STK11: variants seen among roughly 807,000 people sequenced by gnomAD.
STK11 encodes serine/threonine-protein kinase STK11.
Under a neutral mutation model 47.3 loss-of-function variants are expected in STK11, and 8 were observed. The ratio of observed to expected loss-of-function variants is 0.17; its 90% CI spans 0.10 to 0.31. The LOEUF (loss-of-function observed/expected upper bound fraction) is 0.31. STK11 is among the 10% of genes least tolerant of loss of function. The pLI, the probability that STK11 is intolerant of heterozygous loss-of-function variation, is 1.00. For missense variants in STK11, 475 were observed against 605.0 expected, an observed-to-expected ratio of 0.79 and a Z score of 2.25; for synonymous variants, 330 against 255.8, an observed-to-expected ratio of 1.29 and a Z score of -2.77.
At chr19:1,221,846 G>A in intron 6 of STK11, 103 bp from the exon 7 acceptor site, 1 of 1,383,226 alleles carries the variant, frequency 7.2e-7, no homozygotes, top group South Asian at 1.2e-5. Flanking sequence ...GGAGCGTCCA[G>A]GTATCACCCA....
rs1599926930 is a variant in STK11, at chr19:1,220,665, C to T, written c.682C>T (p.Leu228=). Residue 228 remains leucine (L), a synonymous_variant, in exon 5 of 10, where the codon CTG becomes TTG. Transcript: ENST00000326873. ...AFQPPEIANG[L]DTFSGFKVDI... ...CCAGCCGCCCGAGATTGCCAACGGC[C>T]TGGACACCTTCTCCGGCTTCAAGGT... The T allele has an allele frequency of 1.9e-6, 3 of 1,611,100 alleles. No individual in the cohort carries two copies. The highest frequency in any genetic ancestry group is 2.5e-6 in the Non-Finnish European group (3 of 1,179,242).
At position 1,218,468 on chromosome 19, in the gene STK11, G is replaced by A. The variant is rs1441012455; in HGVS notation, c.342G>A (p.Val114=). The A allele has an allele frequency of 6.2e-7, 1 of 1,613,564 alleles. No homozygotes were observed. The highest frequency in any genetic ancestry group is 1.7e-5 in the Admixed American group (1 of 60,010). The change falls in exon 2 of 10, where the codon GTG becomes GTA. Residue 114 remains valine (V), a synonymous_variant. Transcript: ENST00000326873. ...GGCACAAAAATGTCATCCAGCTGGT[G>A]GATGTGTTATACAACGAAGAGAAGC... ...RLRHKNVIQL[V]DVLYNEEKQK...
rs1555738291 is a variant in STK11 at position 1,220,523 on chromosome 19, G to C, written c.597+18G>C. 6.3e-7 allele frequency: 1 copy of C among 1,589,782 alleles called. No homozygotes were observed. The highest frequency in any genetic ancestry group is 1.3e-5 in the African/African-American group (1 of 74,474). On this transcript the variant is annotated intron_variant, in intron 4 of 9. Coordinates refer to ENST00000326873, the MANE Select transcript of STK11 (RefSeq NM_000455.5). ...TGGCCGAGGTAGGCACGTGCTAGGG[G>C]GGGCCCTGGGGCGCCCCCTCCCGGG...
At chr19:1,208,217 T>C (rs2080682275) in intron 1 of STK11, among the ~76,000 whole-genome samples, 1 of 151,834 alleles carries the variant, frequency 6.6e-6, no homozygotes, top group Non-Finnish European at 1.5e-5. Flanking sequence ...CGGTGTCTGC[T>C]CTCACCTTCC....
rs1054374747 is a variant in STK11 at position 1,228,238 on chromosome 19, A to G, written c.*662A>G. The G allele has an allele frequency of 1.6e-6, 1 of 622,294 alleles. No individual in the cohort carries two copies. Among genetic ancestry groups the G allele is most frequent in the African/African-American group, 1.9e-5 (1 of 52,308 alleles). 38.5% of individuals were successfully genotyped at this position (622,294 alleles called of 1,614,324 possible). A position where few individuals can be genotyped will look rare whatever the true frequency, so the allele number is the denominator to read the frequency against. ...GGGCAGGACCCTCACCTCTCCCCCAAGGCCACTGCGCTCTTGGGACCCCAG... is the reference window on the plus strand; with the variant it reads ...GGGCAGGACCCTCACCTCTCCCCCAGGGCCACTGCGCTCTTGGGACCCCAG... On this transcript the variant is annotated 3_prime_UTR_variant, in exon 10 of 10. Coordinates refer to ENST00000326873, the MANE Select transcript of STK11 (RefSeq NM_000455.5).
intron 8 of STK11, chr19:1,224,037 G>C: frequency 1.0e-6 from 1 of 1,004,350 alleles, no homozygotes; most frequent in South Asian, 4.7e-5. Flanking sequence ...CCCCGGGCCC[G>C]AGGGTCCCAG....
At chr19:1,226,913 C>A in intron 9 of STK11, 1 of 501,448 alleles carries the variant, frequency 2.0e-6, no homozygotes, top group Non-Finnish European at 3.5e-6. Flanking sequence ...GCGTGCCGTC[C>A]TCACAGCCAC....
chr19:1,214,123 C>T (rs2080729728), intron 1 of STK11, among the ~76,000 whole-genome samples: 1 of 152,246 alleles, frequency 6.6e-6, no homozygotes, highest in Non-Finnish European at 1.5e-5. Context: ...CCTGGAGGCT[C>T]TTCCTGTTCC....
At chr19:1,219,998 C>T (rs1010145980) in intron 3 of STK11, 18 of 244,920 alleles carry the variant, frequency 7.3e-5, no homozygotes, top group Non-Finnish European at 6.4e-5. Flanking sequence ...AGCCGCCTGC[C>T]CTGACCAGAT....
At chr19:1,226,737 C>G (rs1280580025) in intron 9 of STK11, 74 bp downstream of exon 9, 2 of 1,411,722 alleles carry the variant, frequency 1.4e-6, no homozygotes, top group African/African-American at 2.9e-5. Context: ...TGAGCATAGC[C>G]CGCGCTAGTC....
intron 1 of STK11, among the ~76,000 whole-genome samples, chr19:1,209,381 G>A (rs2080693510): frequency 6.6e-6 from 1 of 151,940 alleles, no homozygotes; most frequent in African/African-American, 2.4e-5. Context: ...TCAGGAGTTC[G>A]AGACCAGCCT....
At chr19:1,215,602 C>G (rs888574781) in intron 1 of STK11, among the ~76,000 whole-genome samples, 1 of 152,258 alleles carries the variant, frequency 6.6e-6, no homozygotes, top group Admixed American at 6.5e-5. Flanking sequence ...CCTTGGCCTT[C>G]TGAGGTTGCC....
intron 1 of STK11, among the ~76,000 whole-genome samples, chr19:1,213,526 G>A (rs867968681): frequency 3.9e-5 from 6 of 152,208 alleles, no homozygotes; most frequent in African/African-American, 1.2e-4. Flanking sequence ...CACACACCGC[G>A]TGGCCTTTTG....
chr19:1,217,704 C>T (rs1464155114), intron 1 of STK11, among the ~76,000 whole-genome samples: 1 of 152,196 alleles, frequency 6.6e-6, no homozygotes, highest in East Asian at 1.9e-4. Flanking sequence ...TGCGGCCCAC[C>T]CTCCAAGGAG....
At position 1,227,598 on chromosome 19, in the gene STK11, G is replaced by A. The variant is rs2145438487; in HGVS notation, c.*22G>A. ...GTCTTCCTTCCACCCTGCAGCCCGT[G>A]TCCAGGAGCCCCGCCAGGTGCCCGC... is the stretch of plus-strand genomic sequence containing the variant. On this transcript the variant is annotated 3_prime_UTR_variant, in exon 10 of 10. Transcript: ENST00000326873. 3 of 1,064,976 alleles carry A rather than the reference G, an allele frequency of 2.8e-6. No homozygotes were observed. Among genetic ancestry groups the A allele is most frequent in the Non-Finnish European group, 3.4e-6 (3 of 879,104 alleles). 66.0% of individuals were successfully genotyped at this position (1,064,976 alleles called of 1,614,324 possible). A position where few individuals can be genotyped will look rare whatever the true frequency, so the allele number is the denominator to read the frequency against.
At chr19:1,224,957 C>T in intron 8 of STK11, 11 of 985,568 alleles carry the variant, frequency 1.1e-5, no homozygotes, top group Non-Finnish European at 1.3e-5. Context: ...CAGCCCGGCG[C>T]CCTCGGGTCA....
intron 3 of STK11, among the ~76,000 whole-genome samples, chr19:1,219,691 G>A (rs919401373): frequency 2.0e-5 from 3 of 151,902 alleles, no homozygotes; most frequent in Non-Finnish European, 4.4e-5. Flanking sequence ...GATTACAGGC[G>A]CCCGCCACCA....
At chr19:1,209,794 TTGG>T (rs1272364599) in intron 1 of STK11, among the ~76,000 whole-genome samples, 2 of 151,860 alleles carry the variant, frequency 1.3e-5, no homozygotes, top group African/African-American at 4.8e-5. Flanking sequence ...CCTGAGGGTC[TTGG>T]TGGAGACAGG....
intron 8 of STK11, chr19:1,223,512 A>C: frequency 3.3e-6 from 3 of 903,848 alleles, no homozygotes; most frequent in Non-Finnish European, 4.4e-6. Context: ...GGGGGAGGGT[A>C]GGTGAGAGTC....
Sources: allele counts gnomAD v4.1 joint callset (sites outside exome capture counted in the v4.1 genomes callset), GRCh38; gene constraint gnomAD v4.1.1; transcripts MANE v1.5; gene names NCBI Gene and HGNC (gene_info 2026-07-23, HGNC 2026-07-21).